Variants in ESR1 observed in about 807,000 individuals in gnomAD.
ESR1 encodes estrogen receptor 1, also known as estrogen receptor.
Under a neutral mutation model 52.7 loss-of-function variants are expected in ESR1, and 12 were observed. The observed-to-expected ratio is 0.23, with a 90% CI of 0.15 to 0.37. The LOEUF (loss-of-function observed/expected upper bound fraction) is 0.37. Among genes scored for constraint, ESR1 ranks in the 10% least tolerant of loss-of-function variants. ESR1 has a pLI of 1.00. For synonymous variants in ESR1, 305 were observed against 316.8 expected (o/e 0.96, Z 0.39); for missense variants, 584 against 779.7 (o/e 0.75, Z 2.99).
At chr6:151,719,356 GCA>G (rs1781288354) in intron 2 of ESR1, among the ~76,000 whole-genome samples, 1 of 152,172 alleles carries the variant, frequency 6.6e-6, no homozygotes, top group African/African-American at 2.4e-5. Flanking sequence ...GAGGAAGGGT[GCA>G]AGAGTACTGT....
intron 5 of ESR1, among the ~76,000 whole-genome samples, chr6:152,030,373 G>A (rs2044576610): frequency 1.3e-5 from 2 of 151,956 alleles, no homozygotes; most frequent in African/African-American, 2.4e-5. Context: ...ACCCATCAGC[G>A]TGCTGTATTC....
At chr6:151,749,096 G>T (rs1004980138) in intron 2 of ESR1, among the ~76,000 whole-genome samples, 1 of 149,728 alleles carries the variant, frequency 6.7e-6, no homozygotes, top group Admixed American at 6.7e-5. Context: ...ATAGAGGCAA[G>T]TATTATACAA....
intron 4 of ESR1, among the ~76,000 whole-genome samples, chr6:151,950,404 G>T (rs979400227): frequency 1.3e-5 from 2 of 152,152 alleles, no homozygotes; most frequent in African/African-American, 2.4e-5. Context: ...GATAGATTAT[G>T]ATTGAAGTGT....
chr6:152,010,694 A>G (rs1013774285), intron 4 of ESR1, among the ~76,000 whole-genome samples: 1 of 152,114 alleles, frequency 6.6e-6, no homozygotes, highest in Non-Finnish European at 1.5e-5. Context: ...GGTCAAGGGC[A>G]CAGGTTTTGG....
intron 2 of ESR1, among the ~76,000 whole-genome samples, chr6:151,775,626 G>A (rs1257788359): frequency 2.0e-5 from 3 of 151,906 alleles, no homozygotes; most frequent in Non-Finnish European, 1.5e-5. Context: ...GGCGCCTGTA[G>A]TCCCAGCTAC....
chr6:151,695,460 G>C (rs1447413450), intron 1 of ESR1, among the ~76,000 whole-genome samples: 1 of 152,184 alleles, frequency 6.6e-6, no homozygotes, highest in East Asian at 1.9e-4. Context: ...GAATAGGAGA[G>C]TGCCACTGGC....
intron 3 of ESR1, among the ~76,000 whole-genome samples, chr6:151,922,558 G>T (rs1455259872): frequency 6.6e-6 from 1 of 152,136 alleles, no homozygotes; most frequent in Non-Finnish European, 1.5e-5. Context: ...AGATTTTTCA[G>T]TTGGCTCCTG....
chr6:151,899,548 G>T (rs1378531479), intron 3 of ESR1, among the ~76,000 whole-genome samples: 1 of 148,196 alleles, frequency 6.7e-6, no homozygotes, highest in Non-Finnish European at 1.5e-5. Context: ...CCTCCCTCCC[G>T]GACGGGGCGG....
chr6:152,032,130 G>T (rs1234219834), intron 5 of ESR1, among the ~76,000 whole-genome samples: 1 of 152,124 alleles, frequency 6.6e-6, no homozygotes, highest in Non-Finnish European at 1.5e-5. Context: ...AGGTATTGAT[G>T]GGACCTATCT....
intron 6 of ESR1, among the ~76,000 whole-genome samples, chr6:152,117,328 G>A (rs916270977): frequency 1.8e-4 from 27 of 152,150 alleles, no homozygotes; most frequent in African/African-American, 5.6e-4. Flanking sequence ...GAATGTGTCC[G>A]GCAGGATTTA....
intron 1 of ESR1, among the ~76,000 whole-genome samples, chr6:151,822,833 T>A (rs1780784052): frequency 6.6e-6 from 1 of 152,200 alleles, no homozygotes; most frequent in African/African-American, 2.4e-5. Flanking sequence ...TAATGTGATA[T>A]CCCACTGGCC....
At chr6:151,963,364 C>A (rs533859436) in intron 4 of ESR1, among the ~76,000 whole-genome samples, 16 of 152,252 alleles carry the variant, frequency 1.1e-4, no homozygotes, top group African/African-American at 3.1e-4. Context: ...TAAGAGTGAT[C>A]CCAGCATTCA....
chr6:151,914,783 A>G (rs1798795253), intron 3 of ESR1, among the ~76,000 whole-genome samples: 1 of 152,168 alleles, frequency 6.6e-6, no homozygotes. Flanking sequence ...CCTCCATAGT[A>G]CATAATACCG....
At chr6:151,873,917 G>C (rs943143207) in intron 2 of ESR1, among the ~76,000 whole-genome samples, 1 of 152,224 alleles carries the variant, frequency 6.6e-6, no homozygotes, top group South Asian at 2.1e-4. Context: ...TAAGGAGACT[G>C]TAAAGGTAGC....
At chr6:152,089,965 T>G (rs895890946) in intron 6 of ESR1, among the ~76,000 whole-genome samples, 6 of 152,220 alleles carry the variant, frequency 3.9e-5, no homozygotes, top group African/African-American at 1.4e-4. Context: ...TGTTTGGGAC[T>G]GCCTTGCACA....
At chr6:151,843,759 T>G (rs1784664396) in intron 2 of ESR1, among the ~76,000 whole-genome samples, 1 of 152,190 alleles carries the variant, frequency 6.6e-6, no homozygotes, top group Non-Finnish European at 1.5e-5. Context: ...TTTAAGTAAC[T>G]TGTTGAAAAC....
chr6:151,846,732 T>C (rs1373164324), intron 2 of ESR1, among the ~76,000 whole-genome samples: 1 of 152,202 alleles, frequency 6.6e-6, no homozygotes, highest in East Asian at 1.9e-4. Context: ...AACGCATTCT[T>C]TTTAAAAAGC....
chr6:151,957,271 ATTG>A (rs2037110399), intron 4 of ESR1, among the ~76,000 whole-genome samples: 1 of 152,094 alleles, frequency 6.6e-6, no homozygotes, highest in South Asian at 2.1e-4. Flanking sequence ...CGCTATTATC[ATTG>A]TTGGTGATTT....
At chr6:151,953,678 G>A (rs995540495) in intron 4 of ESR1, among the ~76,000 whole-genome samples, 44 of 151,506 alleles carry the variant, frequency 2.9e-4, no homozygotes, top group African/African-American at 9.5e-4. Context: ...TCGAGATTGC[G>A]CCACTGCACT....
Sources: gnomAD v4.1 joint callset for allele counts (sites outside exome capture counted in the v4.1 genomes callset) on GRCh38, gnomAD v4.1.1 for gene constraint, MANE v1.5 for transcripts, NCBI Gene and HGNC (gene_info 2026-07-23, HGNC 2026-07-21) for gene names.